KCTD15: variants seen among roughly 807,000 people sequenced by gnomAD.
The protein encoded by KCTD15 is BTB/POZ domain-containing protein KCTD15.
Under a neutral mutation model 27.2 loss-of-function variants are expected in KCTD15, and 11 were observed. The ratio of observed to expected loss-of-function variants is 0.41; its 90% CI spans 0.25 to 0.67. The LOEUF (loss-of-function observed/expected upper bound fraction) is 0.67, where lower values mean the gene tolerates loss of function less well. KCTD15 is among the 30% of genes least tolerant of loss of function. KCTD15 has a pLI of 0.35. For synonymous variants in KCTD15, 163 were observed against 176.0 expected, an observed-to-expected ratio of 0.93 and a Z score of 0.58; for missense variants, 350 against 409.3, an observed-to-expected ratio of 0.86 and a Z score of 1.25.
At chr19:33,798,312 A>T (rs1368068495) in intron 1 of KCTD15, 1 of 152,234 alleles carries the variant, frequency 6.6e-6, no homozygotes, top group Admixed American at 6.5e-5. Flanking sequence ...AAATCGTCTC[A>T]AGCTGCCGCA....
chr19:33,799,300 A>G (rs760171518), intron 2 of KCTD15, among the ~76,000 whole-genome samples: 19 of 152,226 alleles, frequency 1.2e-4, no homozygotes, highest in Admixed American at 2.0e-4. Flanking sequence ...CAAGGCACAA[A>G]TTTTGATCCC....
chr19:33,798,087 GGA>G (rs997464458), intron 1 of KCTD15, among the ~76,000 whole-genome samples: 3 of 151,760 alleles, frequency 2.0e-5, no homozygotes, highest in African/African-American at 7.3e-5. Context: ...GGCGGAGGCG[GGA>G]GGGGGGGGGT....
intron 5 of KCTD15, 95 bp from the exon 6 acceptor site, chr19:33,811,152 A>T: frequency 9.4e-7 from 1 of 1,062,258 alleles, no homozygotes; most frequent in South Asian, 1.6e-5. Context: ...GTTCCTGCAG[A>T]ATTGGTTGGA....
intron 4 of KCTD15, among the ~76,000 whole-genome samples, chr19:33,805,605 C>G (rs1013260783): frequency 6.6e-6 from 1 of 152,156 alleles, no homozygotes; most frequent in East Asian, 1.9e-4. Context: ...GTTGGAGCTA[C>G]TGTTCTCCCA....
At position 33,812,864 on chromosome 19, in the gene KCTD15, C is replaced by T. The variant is rs375512936; in HGVS notation, c.768C>T (p.Phe256=). Residue 256 remains phenylalanine, a synonymous_variant, in exon 7 of 7, where the codon TTC becomes TTT. Coordinates refer to ENST00000683859, the MANE Select transcript of KCTD15 (RefSeq NM_001129994.2). The stretch of plus-strand genomic sequence containing the variant: ...GGGGCGGTGTGGACTCCTCCCAGTT[C>T]AGCGAGTATGTGCTTTGCCGGGAGG... The part of the protein sequence containing the change: ...SCGGGVDSSQ[F]SEYVLCREER... The T allele has an allele frequency of 5.2e-6, 8 of 1,547,836 alleles. No individual in the cohort carries two copies. Among genetic ancestry groups the T allele is most frequent in the African/African-American group, 4.1e-5 (3 of 72,964 alleles).
At chr19:33,800,614 T>C (rs548388954) in intron 3 of KCTD15, 94 bp downstream of exon 3, 8 of 1,152,116 alleles carry the variant, frequency 6.9e-6, no homozygotes, top group Non-Finnish European at 1.0e-5. Flanking sequence ...CTTGGGACCA[T>C]GACACTCCAG....
At chr19:33,807,420 T>G (rs977059535) in intron 5 of KCTD15, among the ~76,000 whole-genome samples, 3 of 152,048 alleles carry the variant, frequency 2.0e-5, no homozygotes, top group Non-Finnish European at 2.9e-5. Context: ...AAACCCCATC[T>G]CTACTGAAAA....
Position 33,814,238 on chromosome 19 carries a change from G to A in KCTD15, c.*1290G>A, listed in dbSNP as rs1050670474. On this transcript the variant is annotated 3_prime_UTR_variant, in exon 7 of 7. Transcript: ENST00000683859. ...TCCATGCCATAAATGATGCTCTCAA[G>A]CAAAAGACTGGAGGCTCTGTCCTGT... 1 of 152,626 alleles carries A rather than the reference G, an allele frequency of 6.6e-6. No individual in the cohort carries two copies. Among genetic ancestry groups the A allele is most frequent in the Non-Finnish European group, 1.5e-5 (1 of 68,046 alleles). 9.5% of individuals were successfully genotyped at this position (152,626 alleles called of 1,614,324 possible).
chr19:33,812,507 T>C, intron 6 of KCTD15: 1 of 1,224,252 alleles, frequency 8.2e-7, no homozygotes, highest in Non-Finnish European at 1.0e-6. Flanking sequence ...TCTTTTTGCC[T>C]CCCGGAATCA....
chr19:33,797,848 C>T (rs1975392518), intron 1 of KCTD15, among the ~76,000 whole-genome samples: 1 of 152,204 alleles, frequency 6.6e-6, no homozygotes, highest in African/African-American at 2.4e-5. Flanking sequence ...CAACAATAAA[C>T]TTTGAGAACA....
At chr19:33,804,327 GACA>G (rs1975650204) in intron 4 of KCTD15, among the ~76,000 whole-genome samples, 2 of 152,210 alleles carry the variant, frequency 1.3e-5, no homozygotes, top group Non-Finnish European at 2.9e-5. Context: ...GGACCGATGA[GACA>G]ACCTAGAACC....
intron 2 of KCTD15, among the ~76,000 whole-genome samples, chr19:33,799,344 C>A (rs1286658530): frequency 1.3e-5 from 2 of 152,296 alleles, no homozygotes; most frequent in Non-Finnish European, 2.9e-5. Flanking sequence ...TCCCATGGGT[C>A]CCAAGAATTT....
chr19:33,800,541 G>A, intron 3 of KCTD15, 21 bp downstream of exon 3: 1 of 1,571,980 alleles, frequency 6.4e-7, no homozygotes, highest in Non-Finnish European at 8.6e-7. Context: ...AGGGTGGGCT[G>A]GGTCCCTGCC....
upstream of KCTD15, chr19:33,796,073 TCTC>T (rs1568373107): frequency 1.3e-5 from 2 of 151,348 alleles, no homozygotes; most frequent in East Asian, 2.0e-4. Flanking sequence ...CGGCGGCTGC[TCTC>T]CTCTTTGTAA....
chr19:33,794,397 G>A (rs1401425124), upstream of KCTD15, among the ~76,000 whole-genome samples: 1 of 152,166 alleles, frequency 6.6e-6, no homozygotes, highest in African/African-American at 2.4e-5. Flanking sequence ...TTGCCATGTG[G>A]CTTCCTAAAA....
At chr19:33,811,872 T>A in intron 6 of KCTD15, 3 of 1,598,386 alleles carry the variant, frequency 1.9e-6, no homozygotes, top group Non-Finnish European at 2.6e-6. Context: ...GGATTCGAAC[T>A]AAACCCAGGC....
chr19:33,807,595 CTGT>C (rs1975754003), intron 5 of KCTD15, among the ~76,000 whole-genome samples: 1 of 152,182 alleles, frequency 6.6e-6, no homozygotes, highest in Non-Finnish European at 1.5e-5. Context: ...GGTGGCAGGC[CTGT>C]AATCCCAGCT....
In KCTD15 at chr19:33,811,384, C is replaced by A. The variant is rs1264986772; in HGVS notation, c.525C>A (p.Pro175=). ...ACTGCCTGGTGGTGCGCGTCACGCCCGACTTGGGCGAGCGGATCGCACTCA... is the reference window on the plus strand; with the variant it reads ...ACTGCCTGGTGGTGCGCGTCACGCCAGACTTGGGCGAGCGGATCGCACTCA... ...ACDCLVVRVT[P]DLGERIALSG... Residue 175 remains proline, a synonymous_variant, in exon 6 of 7, where the codon CCC becomes CCA. Coordinates refer to ENST00000683859, the MANE Select transcript of KCTD15 (RefSeq NM_001129994.2). 1 of 1,599,216 alleles carries A rather than the reference C, an allele frequency of 6.3e-7. No homozygotes were observed. Among genetic ancestry groups the A allele is most frequent in the Non-Finnish European group, 8.5e-7 (1 of 1,173,584 alleles).
At chr19:33,811,776 T>TC (rs778965057) in intron 6 of KCTD15, 2 of 1,602,208 alleles carry the variant, frequency 1.2e-6, no homozygotes, top group Non-Finnish European at 1.7e-6. Flanking sequence ...TACTTTTTTT[T>TC]TTTTTTTCCA....
Sources: gnomAD v4.1 joint callset for allele counts (sites outside exome capture counted in the v4.1 genomes callset) on GRCh38, gnomAD v4.1.1 for gene constraint, MANE v1.5 for transcripts, NCBI Gene and HGNC (gene_info 2026-07-23, HGNC 2026-07-21) for gene names.